FAM227B: variants seen among roughly 807,000 people sequenced by gnomAD.
The protein encoded by FAM227B is protein FAM227B.
FAM227B carries 88 observed loss-of-function variants against 73.8 expected under a neutral mutation model. The ratio of observed to expected loss-of-function variants is 1.19; its 90% CI spans 1.00 to 1.42. The LOEUF is 1.42. FAM227B is among the 40% of genes most tolerant of loss of function. The pLI is 0.00. For synonymous variants in FAM227B, 210 were observed against 190.5 expected (o/e 1.10, Z -0.84); for missense variants, 632 against 590.9 (o/e 1.07, Z -0.72).
At chr15:49,386,044 A>C (rs1254607041) in intron 11 of FAM227B, among the ~76,000 whole-genome samples, 3 of 151,928 alleles carry the variant, frequency 2.0e-5, no homozygotes, top group Admixed American at 2.0e-4. Flanking sequence ...CAGCAAAACA[A>C]TAATAGTGGG....
At chr15:49,531,790 T>A (rs2060627589) in intron 10 of FAM227B, among the ~76,000 whole-genome samples, 1 of 151,984 alleles carries the variant, frequency 6.6e-6, no homozygotes, top group Non-Finnish European at 1.5e-5. Context: ...TCAATATGTT[T>A]ACTACATATT....
At chr15:49,431,832 C>A (rs530962109) in intron 11 of FAM227B, among the ~76,000 whole-genome samples, 119 of 151,646 alleles carry the variant, frequency 7.8e-4, no homozygotes, top group African/African-American at 2.8e-3. Flanking sequence ...TCTTGATGCA[C>A]TTAAAGAATG....
In FAM227B at chr15:49,575,123, CAAGA is replaced by C; in HGVS notation, c.547-18_547-15del. 1 of 1,409,208 alleles carries C rather than the reference CAAGA, an allele frequency of 7.1e-7. No individual in the cohort carries two copies. The highest frequency in any genetic ancestry group is 9.9e-7 in the Non-Finnish European group (1 of 1,008,792). 87.3% of individuals were successfully genotyped at this position (1,409,208 alleles called of 1,614,324 possible). A position where few individuals can be genotyped will look rare whatever the true frequency, so the allele number is the denominator to read the frequency against. On this transcript the variant is annotated splice_polypyrimidine_tract_variant and intron_variant, in intron 7 of 15. Coordinates refer to ENST00000299338, the MANE Select transcript of FAM227B (RefSeq NM_152647.3). ...AAAAACTCTTTCCTATGGAAAAAAA[CAAGA>C]GAGAGATGCATGGAGATTAAAATAT...
intron 11 of FAM227B, 21 bp downstream of exon 11, chr15:49,508,190 G>A: frequency 6.3e-7 from 1 of 1,596,226 alleles, no homozygotes; most frequent in Non-Finnish European, 8.5e-7. Flanking sequence ...CCATTTGGCA[G>A]TATACAGAAA....
intron 5 of FAM227B, among the ~76,000 whole-genome samples, chr15:49,584,429 G>C (rs1466842643): frequency 1.3e-5 from 2 of 152,084 alleles, no homozygotes; most frequent in Non-Finnish European, 2.9e-5. Context: ...GCAAAAGCTG[G>C]AAGCATTCCC....
intron 5 of FAM227B, among the ~76,000 whole-genome samples, chr15:49,578,351 G>A (rs1027597986): frequency 6.6e-6 from 1 of 151,996 alleles, no homozygotes; most frequent in African/African-American, 2.4e-5. Flanking sequence ...GGAATTGGGT[G>A]GCATATTTTA....
intron 10 of FAM227B, among the ~76,000 whole-genome samples, chr15:49,515,437 C>A (rs1210374886): frequency 6.6e-6 from 1 of 152,148 alleles, no homozygotes; most frequent in Non-Finnish European, 1.5e-5. Flanking sequence ...ATATTCCAAT[C>A]TATGAGCCTT....
intron 13 of FAM227B, among the ~76,000 whole-genome samples, chr15:49,348,035 A>C (rs1258951577): frequency 6.6e-6 from 1 of 151,802 alleles, no homozygotes; most frequent in Non-Finnish European, 1.5e-5. Context: ...AAAAAAAAAA[A>C]AAAAAAAGGC....
intron 10 of FAM227B, among the ~76,000 whole-genome samples, chr15:49,508,848 G>A (rs2058769960): frequency 6.6e-6 from 1 of 152,092 alleles, no homozygotes. Flanking sequence ...AAAATATTGT[G>A]CATTAATAGA....
chr15:49,571,185 T>C (rs546946482), intron 8 of FAM227B, among the ~76,000 whole-genome samples: 1 of 151,924 alleles, frequency 6.6e-6, no homozygotes, highest in East Asian at 1.9e-4. Flanking sequence ...ATTTACTTTG[T>C]TCCTTTTAAA....
chr15:49,605,131 G>T (rs1214764962), intron 3 of FAM227B, among the ~76,000 whole-genome samples: 1 of 152,164 alleles, frequency 6.6e-6, no homozygotes, highest in Non-Finnish European at 1.5e-5. Flanking sequence ...CTGAAGAACA[G>T]GCGCCTCTTC....
intron 11 of FAM227B, chr15:49,484,321 T>C (rs1567369575): frequency 6.3e-7 from 1 of 1,588,430 alleles, no homozygotes; most frequent in Non-Finnish European, 8.5e-7. Flanking sequence ...AAGAATGCAA[T>C]GAAGATTGTA....
chr15:49,490,593 G>A (rs1303959669), intron 11 of FAM227B, among the ~76,000 whole-genome samples: 1 of 151,916 alleles, frequency 6.6e-6, no homozygotes, highest in Non-Finnish European at 1.5e-5. Flanking sequence ...TGAATTCTTA[G>A]TTCATTTTAA....
At chr15:49,393,862 T>C (rs2047384364) in intron 11 of FAM227B, among the ~76,000 whole-genome samples, 1 of 152,178 alleles carries the variant, frequency 6.6e-6, no homozygotes, top group African/African-American at 2.4e-5. Context: ...AGGACTGAGT[T>C]CTAGTAAAAC....
intron 11 of FAM227B, among the ~76,000 whole-genome samples, chr15:49,379,458 G>C (rs2046379587): frequency 6.6e-6 from 1 of 152,030 alleles, no homozygotes; most frequent in Admixed American, 6.6e-5. Flanking sequence ...TTAGGACTTT[G>C]ATCTCAATAT....
chr15:49,609,548 A>G lies in FAM227B; in HGVS notation c.105+1667T>C, dbSNP rs889619160. On this transcript the variant is annotated intron_variant, in intron 3 of 15. Transcript: ENST00000299338. ...TCAATTCTAAAAGAATAATAGCTCC[A>G]TAAGGGCAGGCATCTTTGCTTGTTT... Among the ~76,000 whole-genome samples, 3 of 151,954 alleles carry G rather than the reference A, an allele frequency of 2.0e-5. No individual in the cohort carries two copies. The East Asian group carries it at 5.8e-4, about 29-fold the overall frequency.
intron 5 of FAM227B, among the ~76,000 whole-genome samples, chr15:49,579,738 G>C (rs2152384059): frequency 6.6e-6 from 1 of 152,120 alleles, no homozygotes; most frequent in Admixed American, 6.5e-5. Flanking sequence ...TAGCATAGTA[G>C]GGCAACTATA....
At chr15:49,603,186 G>A (rs757763553) in intron 3 of FAM227B, among the ~76,000 whole-genome samples, 4 of 152,110 alleles carry the variant, frequency 2.6e-5, no homozygotes, top group African/African-American at 9.6e-5. Flanking sequence ...GAAGAATGTC[G>A]CTGGTATTTT....
intron 10 of FAM227B, among the ~76,000 whole-genome samples, chr15:49,532,897 T>C (rs2060716522): frequency 6.6e-6 from 1 of 152,004 alleles, no homozygotes; most frequent in Middle Eastern, 3.4e-3. Flanking sequence ...CCATACAATC[T>C]TTTTCATATT....
Sources: gnomAD v4.1 joint callset for allele counts (sites outside exome capture counted in the v4.1 genomes callset) on GRCh38, gnomAD v4.1.1 for gene constraint, MANE v1.5 for transcripts, NCBI Gene and HGNC (gene_info 2026-07-23, HGNC 2026-07-21) for gene names.